Variants in ANKRD11 observed in about 807,000 individuals in gnomAD.
ANKRD11 encodes the protein ankyrin repeat domain-containing protein 11.
ANKRD11 carries 17 observed loss-of-function variants against 195.7 expected under a neutral mutation model. The ratio of observed to expected loss-of-function variants is 0.09; its 90% CI spans 0.06 to 0.13. The LOEUF is 0.13. Ranked by LOEUF, ANKRD11 falls within the 10% of genes least tolerant of loss-of-function variation. The probability of loss-of-function intolerance (pLI) is 1.00; values close to 1 mark genes in which losing one functional copy is unlikely to be tolerated. For synonymous variants in ANKRD11, 1,953 were observed against 1,528.1 expected (o/e 1.28, Z -6.49); for missense variants, 3,735 against 3,566.1 (o/e 1.05, Z -1.21).
chr16:89,334,546 C>T (rs1217971828), intron 2 of ANKRD11, among the ~76,000 whole-genome samples: 1 of 152,156 alleles, frequency 6.6e-6, no homozygotes, highest in Admixed American at 6.5e-5. Flanking sequence ...CCCATGTGGG[C>T]AGTGGGCATG....
At chr16:89,417,458 C>T (rs933814078) in intron 2 of ANKRD11, among the ~76,000 whole-genome samples, 1 of 152,132 alleles carries the variant, frequency 6.6e-6, no homozygotes, top group African/African-American at 2.4e-5. Context: ...GGACTCTGCC[C>T]TACAGCGACA....
Position 89,470,984 on chromosome 16 carries a change from C to T in ANKRD11, c.-145+19261G>A, listed in dbSNP as rs376610809. Among the ~76,000 whole-genome samples, 331 of 152,048 alleles carry T rather than the reference C, an allele frequency of 2.2e-3. 1 individual carries two copies. The highest frequency in any genetic ancestry group is 7.6e-3 in the African/African-American group (314 of 41,482). On this transcript the variant is annotated intron_variant, in intron 1 of 12. Transcript: ENST00000301030. ...CTCCAGCCTGGGCGACAGAGCGAGACTCTGTCTCAGAAAAAAAAGGAAATC... is the reference window on the plus strand; with the variant it reads ...CTCCAGCCTGGGCGACAGAGCGAGATTCTGTCTCAGAAAAAAAAGGAAATC...
chr16:89,294,135 C>T (rs1445873500), intron 4 of ANKRD11, among the ~76,000 whole-genome samples: 1 of 152,182 alleles, frequency 6.6e-6, no homozygotes, highest in African/African-American at 2.4e-5. Flanking sequence ...CCCACCAGGC[C>T]CTCCCTCTGC....
chr16:89,322,629 TG>T (rs1377387279), intron 2 of ANKRD11, among the ~76,000 whole-genome samples: 2 of 151,426 alleles, frequency 1.3e-5, no homozygotes, highest in Non-Finnish European at 2.9e-5. Context: ...CACTCATGAC[TG>T]ACAGGATCAA....
At chr16:89,397,956 T>C (rs909152349) in intron 2 of ANKRD11, among the ~76,000 whole-genome samples, 8 of 152,256 alleles carry the variant, frequency 5.3e-5, no homozygotes, top group African/African-American at 1.2e-4. Flanking sequence ...TCTCCTGTTG[T>C]TGAATCGGTG....
At chr16:89,459,525 G>C (rs939348873) in intron 1 of ANKRD11, 2 of 152,124 alleles carry the variant, frequency 1.3e-5, no homozygotes, top group Non-Finnish European at 2.9e-5. Flanking sequence ...CCAACCTTAA[G>C]TGAATTTGTG....
chr16:89,484,781 T>C (rs975864959), intron 1 of ANKRD11, among the ~76,000 whole-genome samples: 2 of 152,214 alleles, frequency 1.3e-5, no homozygotes, highest in Admixed American at 6.5e-5. Context: ...CAAAAGAAAT[T>C]TTCATATGGT....
intron 4 of ANKRD11, chr16:89,300,190 G>T (rs1222804802): frequency 1.4e-5 from 3 of 210,292 alleles, no homozygotes; most frequent in Non-Finnish European, 2.9e-5. Flanking sequence ...TGTGTGGGGT[G>T]CCTGCCCTGT....
intron 1 of ANKRD11, among the ~76,000 whole-genome samples, chr16:89,444,026 G>C (rs1377687972): frequency 1.3e-5 from 2 of 152,170 alleles, no homozygotes; most frequent in African/African-American, 2.4e-5. Context: ...AGTTTCCATA[G>C]TACCCTGTAA....
At chr16:89,351,797 A>G (rs980751494) in intron 2 of ANKRD11, among the ~76,000 whole-genome samples, 2 of 152,262 alleles carry the variant, frequency 1.3e-5, no homozygotes, top group African/African-American at 4.8e-5. Flanking sequence ...GGTGACAGCA[A>G]TGTTCTAGAA....
intron 2 of ANKRD11, among the ~76,000 whole-genome samples, chr16:89,349,133 G>GAAAAAAAAA (rs2039078338): frequency 5.7e-3 from 9 of 1,572 alleles, no homozygotes; most frequent in Non-Finnish European, 8.2e-3. Context: ...GTCTCAAAAA[G>GAAAAAAAAA]TAAAAAAAAA....
At chr16:89,393,509 G>A (rs113453689) in intron 2 of ANKRD11, among the ~76,000 whole-genome samples, 2 of 67,296 alleles carry the variant, frequency 3.0e-5, no homozygotes, top group African/African-American at 1.1e-4. Context: ...TTTTTTTTTT[G>A]TATTTTTAAT....
At chr16:89,373,050 CT>C (rs1285681683) in intron 2 of ANKRD11, 2 of 152,286 alleles carry the variant, frequency 1.3e-5, no homozygotes, top group African/African-American at 4.8e-5. Flanking sequence ...GTCACCGTTC[CT>C]CTGTCCCCAT....
At chr16:89,385,929 CG>C (rs1306649459) in intron 2 of ANKRD11, among the ~76,000 whole-genome samples, 1 of 152,238 alleles carries the variant, frequency 6.6e-6, no homozygotes, top group Non-Finnish European at 1.5e-5. Flanking sequence ...GGTCACCACA[CG>C]GATGCCAAAC....
intron 9 of ANKRD11, chr16:89,278,745 C>T (rs887425917): frequency 1.9e-6 from 1 of 536,766 alleles, no homozygotes; most frequent in East Asian, 4.5e-5. Flanking sequence ...TCCTGGTGGA[C>T]GGGGAGTGGA....
intron 1 of ANKRD11, among the ~76,000 whole-genome samples, chr16:89,440,665 T>C (rs958582501): frequency 6.6e-6 from 1 of 151,438 alleles, no homozygotes; most frequent in Non-Finnish European, 1.5e-5. Context: ...CATAAGAAAA[T>C]ATCAAGCACA....
chr16:89,474,331 C>G (rs1236205034), intron 1 of ANKRD11, among the ~76,000 whole-genome samples: 1 of 151,960 alleles, frequency 6.6e-6, no homozygotes, highest in Non-Finnish European at 1.5e-5. Flanking sequence ...AAAATAAATA[C>G]ACTGGCCTGG....
chr16:89,486,774 G>T (rs1224591572), intron 1 of ANKRD11, among the ~76,000 whole-genome samples: 1 of 152,128 alleles, frequency 6.6e-6, no homozygotes, highest in East Asian at 1.9e-4. Context: ...GGGAGGCCGA[G>T]GCAGGTGGAT....
In ANKRD11 at chr16:89,282,797, C is replaced by T. The variant is rs1323661347; in HGVS notation, c.3745G>A (p.Glu1249Lys). 5.0e-6 allele frequency: 8 copies of T among 1,611,414 alleles called. No homozygotes were observed. Among genetic ancestry groups the T allele is most frequent in the South Asian group, 2.2e-5 (2 of 91,048 alleles). ...TTGTGTTTGCTTTTAGCCTTGTCTT[C>T]GGCAGCGTGCTTCTTTTCAGCCTTC... Reference protein sequence around the residue: ...PEKAEKKHAAEDKAKSKHKEK... With the variant: ...PEKAEKKHAAKDKAKSKHKEK... The change falls in exon 9 of 13, where the codon GAA becomes AAA. Residue 1249 changes from glutamate to lysine, a missense_variant. Coordinates refer to ENST00000301030, the MANE Select transcript of ANKRD11 (RefSeq NM_013275.6).
Sources: allele counts gnomAD v4.1 joint callset (sites outside exome capture counted in the v4.1 genomes callset), GRCh38; gene constraint gnomAD v4.1.1; transcripts MANE v1.5; gene names NCBI Gene and HGNC (gene_info 2026-07-23, HGNC 2026-07-21).